Variants in SLC28A1 observed in about 807,000 individuals in gnomAD.
SLC28A1 encodes the protein solute carrier family 28 member 1, also known as sodium/nucleoside cotransporter 1.
Under a neutral mutation model 74.8 loss-of-function variants are expected in SLC28A1, and 64 were observed. The observed-to-expected ratio is 0.86, with a 90% CI of 0.70 to 1.05. The LOEUF is 1.05. Ranked by LOEUF, SLC28A1 falls within the 50% of genes least tolerant of loss-of-function variation. The pLI is 0.00. For synonymous variants in SLC28A1, 359 were observed against 335.0 expected, an observed-to-expected ratio of 1.07 and a Z score of -0.78; for missense variants, 828 against 822.8, an observed-to-expected ratio of 1.01 and a Z score of -0.08.
chr15:84,916,463 G>C (rs1243597159), intron 9 of SLC28A1, among the ~76,000 whole-genome samples: 2 of 151,436 alleles, frequency 1.3e-5, no homozygotes, highest in Non-Finnish European at 2.9e-5. Context: ...TCCTAGGCTG[G>C]TCTCAAACTC....
intron 6 of SLC28A1, among the ~76,000 whole-genome samples, chr15:84,903,811 C>T (rs1217445978): frequency 6.6e-6 from 1 of 152,150 alleles, no homozygotes; most frequent in African/African-American, 2.4e-5. Flanking sequence ...ACATATATCC[C>T]CTTATATAAT....
At chr15:84,966,439 G>T in the SLC28A1 span, among the ~76,000 whole-genome samples, 1 of 152,074 alleles carries the variant, frequency 6.6e-6, no homozygotes, top group Non-Finnish European at 1.5e-5. Flanking sequence ...ATGATCACAG[G>T]TCACTGCAGC....
intron 9 of SLC28A1, among the ~76,000 whole-genome samples, chr15:84,913,907 A>G (rs1019960151): frequency 6.6e-6 from 1 of 152,180 alleles, no homozygotes; most frequent in Non-Finnish European, 1.5e-5. Context: ...GTGTCCTCAC[A>G]TGGTAAAAGA....
At chr15:84,888,213 T>C (rs1341762742) in intron 3 of SLC28A1, among the ~76,000 whole-genome samples, 1 of 151,888 alleles carries the variant, frequency 6.6e-6, no homozygotes, top group Non-Finnish European at 1.5e-5. Flanking sequence ...TCTAAGGAAA[T>C]CTCAGCCTTC....
chr15:84,931,759 T>C (rs1219788476), intron 12 of SLC28A1, among the ~76,000 whole-genome samples: 1 of 151,192 alleles, frequency 6.6e-6, no homozygotes, highest in Non-Finnish European at 1.5e-5. Context: ...ATCCCAGCAC[T>C]TTGGGAGGCC....
chr15:84,931,190 G>A (rs1323904853), intron 12 of SLC28A1, among the ~76,000 whole-genome samples: 1 of 151,914 alleles, frequency 6.6e-6, no homozygotes, highest in Non-Finnish European at 1.5e-5. Context: ...ACAGGCGTGA[G>A]CCACTGTGCC....
intron 15 of SLC28A1, among the ~76,000 whole-genome samples, chr15:84,941,922 A>G (rs1322808537): frequency 6.6e-6 from 1 of 152,232 alleles, no homozygotes. Flanking sequence ...CTGAGTTCAA[A>G]TTCTGATACA....
intron 8 of SLC28A1, among the ~76,000 whole-genome samples, chr15:84,906,574 C>CT (rs1567140768): frequency 0.063 from 1,612 of 25,756 alleles, 68 homozygotes; most frequent in Middle Eastern, 0.1. Flanking sequence ...CTCTTTCTTT[C>CT]TTCCTTCCTT....
In SLC28A1 at chr15:84,889,983, A is replaced by ACGCCAC. The variant is rs535485635; in HGVS notation, c.186-458_186-453dup. Among the ~76,000 whole-genome samples, 164 of 151,154 alleles carry ACGCCAC rather than the reference A, an allele frequency of 1.1e-3. 1 individual carries two copies. In the Middle Eastern group the frequency reaches 0.021, roughly 19 times the overall value. ...CTTGAGCAGCTGGGATTACAGGCGC[A>ACGCCAC]CGCCACCATGCCTGGCTAATTTTTG... On this transcript the variant is annotated intron_variant, in intron 4 of 18. Coordinates refer to ENST00000394573, the MANE Select transcript of SLC28A1 (RefSeq NM_004213.5).
intron 9 of SLC28A1, among the ~76,000 whole-genome samples, chr15:84,910,001 C>T (rs535121983): frequency 6.6e-6 from 1 of 152,342 alleles, no homozygotes; most frequent in Non-Finnish European, 1.5e-5. Flanking sequence ...TGAGCCAGAT[C>T]ATGAGTTCAG....
chr15:84,896,013 C>T (rs1596223604), intron 6 of SLC28A1: 2 of 855,532 alleles, frequency 2.3e-6, no homozygotes, highest in Non-Finnish European at 2.8e-6. Flanking sequence ...TTTGACTTCT[C>T]TTTATTAAAT....
chr15:84,946,659 G>A (rs1371276495), downstream of SLC28A1, among the ~76,000 whole-genome samples: 2 of 152,072 alleles, frequency 1.3e-5, no homozygotes, highest in Non-Finnish European at 2.9e-5. Flanking sequence ...ACTGCGATGT[G>A]GGGCCTCTCT....
intron 18 of SLC28A1, 82 bp from the exon 19 acceptor site, chr15:84,945,041 CAG>C: frequency 1.6e-6 from 2 of 1,288,852 alleles, no homozygotes; most frequent in East Asian, 2.3e-5. Flanking sequence ...AGACTTGAAA[CAG>C]TGTTCCCGGT....
Position 84,921,000 on chromosome 15 carries a change from G to C in SLC28A1, c.888G>C (p.Leu296=), listed in dbSNP as rs115838874. Residue 296 remains leucine, a synonymous_variant, in exon 11 of 19, where the codon CTG becomes CTC. Transcript: ENST00000394573. ...CTGCTTCCTTCTAGATTGCCTGGCT[G>C]ATGCAAGTCACCATGGGCACCACAG... ...MQWVILKIAW[L]MQVTMGTTAT... The C allele has an allele frequency of 6.2e-7, 1 of 1,613,852 alleles. No individual in the cohort carries two copies. The highest frequency in any genetic ancestry group is 1.3e-5 in the African/African-American group (1 of 75,044).
chr15:84,904,299 C>G, intron 7 of SLC28A1, 61 bp downstream of exon 7: 1 of 1,608,180 alleles, frequency 6.2e-7, no homozygotes, highest in Non-Finnish European at 8.5e-7. Context: ...TGCCCCTAGG[C>G]TGGATCTGGG....
chr15:84,948,755 C>T (rs1194694263), downstream of SLC28A1, among the ~76,000 whole-genome samples: 5 of 152,154 alleles, frequency 3.3e-5, no homozygotes, highest in Admixed American at 6.5e-5. Flanking sequence ...ACTTTGTTAA[C>T]CCCCGATTCT....
chr15:84,884,988 T>C (rs80061213), intron 1 of SLC28A1, among the ~76,000 whole-genome samples: 1 of 152,186 alleles, frequency 6.6e-6, no homozygotes, highest in East Asian at 1.9e-4. Context: ...AGGTAGAGTC[T>C]CGCTCTGTTG....
intron 16 of SLC28A1, among the ~76,000 whole-genome samples, chr15:84,944,253 G>T (rs1052702563): frequency 2.0e-5 from 3 of 152,252 alleles, no homozygotes; most frequent in African/African-American, 7.2e-5. Context: ...GAAGTGAAGT[G>T]GTGGCCCAAG....
intron 12 of SLC28A1, among the ~76,000 whole-genome samples, chr15:84,932,544 G>A (rs949252900): frequency 2.6e-5 from 4 of 152,174 alleles, no homozygotes; most frequent in Non-Finnish European, 5.9e-5. Context: ...GTGATGGGTT[G>A]GCTTGCAGTG....
Sources: gnomAD v4.1 joint callset for allele counts (sites outside exome capture counted in the v4.1 genomes callset) on GRCh38, gnomAD v4.1.1 for gene constraint, MANE v1.5 for transcripts, NCBI Gene and HGNC (gene_info 2026-07-23, HGNC 2026-07-21) for gene names.